Variants in MDGA2 observed in about 807,000 individuals in gnomAD.
The protein encoded by MDGA2 is MAM domain-containing glycosylphosphatidylinositol anchor protein 2.
A neutral mutation model predicts 117.8 loss-of-function variants in MDGA2; 40 were observed. The observed-to-expected ratio is 0.34, with a 90% CI of 0.26 to 0.44. The LOEUF (loss-of-function observed/expected upper bound fraction) is 0.44. Ranked by LOEUF, MDGA2 falls within the 20% of genes least tolerant of loss-of-function variation. MDGA2 has a pLI of 1.00. For missense variants in MDGA2, 1,123 were observed against 1,250.6 expected, an observed-to-expected ratio of 0.90 and a Z score of 1.54; for synonymous variants, 452 against 439.0, an observed-to-expected ratio of 1.03 and a Z score of -0.37.
Position 47,512,491 on chromosome 14 carries a change from A to G in MDGA2, c.280+162026T>C, listed in dbSNP as rs574967482. Among the ~76,000 whole-genome samples, 5 of 152,222 alleles carry G rather than the reference A, an allele frequency of 3.3e-5. No homozygotes were observed. In the South Asian group the frequency reaches 1.0e-3, roughly 32 times the overall value. The stretch of plus-strand genomic sequence containing the variant: ...TATAAAATCAGAAATCAAATTCTCC[A>G]TTTTACTTACTGAAATGGTATCACC... On this transcript the variant is annotated intron_variant, in intron 1 of 16. Transcript: ENST00000399232.
At chr14:47,432,366 T>C (rs1385143560) in intron 1 of MDGA2, among the ~76,000 whole-genome samples, 2 of 152,100 alleles carry the variant, frequency 1.3e-5, no homozygotes, top group African/African-American at 4.8e-5. Context: ...TCATATTGTG[T>C]TATCTCATAT....
At chr14:47,426,975 A>G (rs1055805020) in intron 1 of MDGA2, among the ~76,000 whole-genome samples, 1 of 152,038 alleles carries the variant, frequency 6.6e-6, no homozygotes, top group South Asian at 2.1e-4. Flanking sequence ...TAACACATCA[A>G]AGTAATAATA....
intron 1 of MDGA2, among the ~76,000 whole-genome samples, chr14:47,447,148 A>C (rs1326916781): frequency 6.6e-6 from 1 of 152,194 alleles, no homozygotes; most frequent in East Asian, 1.9e-4. Flanking sequence ...GCTAAATATC[A>C]CCATTTTAGC....
chr14:47,286,850 T>C (rs1029471011), intron 2 of MDGA2, among the ~76,000 whole-genome samples: 1 of 147,834 alleles, frequency 6.8e-6, no homozygotes, highest in African/African-American at 2.5e-5. Flanking sequence ...TATATATATA[T>C]ACTTTACTAT....
intron 1 of MDGA2, among the ~76,000 whole-genome samples, chr14:47,382,353 T>G (rs35497858): frequency 6.6e-6 from 1 of 151,860 alleles, no homozygotes; most frequent in Non-Finnish European, 1.5e-5. Flanking sequence ...AATTGACAAA[T>G]GGGATCTAAT....
chr14:47,370,049 A>G (rs2138388959), intron 1 of MDGA2, among the ~76,000 whole-genome samples: 1 of 152,136 alleles, frequency 6.6e-6, no homozygotes, highest in Admixed American at 6.5e-5. Flanking sequence ...TGAAATATGA[A>G]GGCAAAAGAC....
chr14:47,267,091 G>A (rs2148509), intron 2 of MDGA2, among the ~76,000 whole-genome samples: 128,531 of 152,130 alleles, frequency 0.84, 54,433 homozygotes, highest in East Asian at 0.93. Flanking sequence ...AGGGATGATT[G>A]CATGAAGTAC....
intron 7 of MDGA2, among the ~76,000 whole-genome samples, chr14:47,043,114 T>C (rs2138686420): frequency 6.6e-6 from 1 of 152,184 alleles, no homozygotes; most frequent in East Asian, 1.9e-4. Context: ...AGTATGATTA[T>C]AACCGCGTGT....
intron 1 of MDGA2, among the ~76,000 whole-genome samples, chr14:47,624,125 C>T (rs940507679): frequency 7.2e-5 from 11 of 152,164 alleles, no homozygotes; most frequent in African/African-American, 1.9e-4. Context: ...GTGCTCACAA[C>T]GTAGTAAGGT....
At chr14:47,661,192 A>G (rs1189594166) in intron 1 of MDGA2, among the ~76,000 whole-genome samples, 1 of 152,100 alleles carries the variant, frequency 6.6e-6, no homozygotes, top group African/African-American at 2.4e-5. Flanking sequence ...AATATAAATA[A>G]GTATAAATAC....
At chr14:47,170,441 A>T (rs1271902785) in intron 3 of MDGA2, among the ~76,000 whole-genome samples, 1 of 152,146 alleles carries the variant, frequency 6.6e-6, no homozygotes, top group Non-Finnish European at 1.5e-5. Context: ...AACTTTTACA[A>T]GAATGCTTTG....
At chr14:47,032,690 A>C (rs1888705156) in intron 8 of MDGA2, among the ~76,000 whole-genome samples, 1 of 152,238 alleles carries the variant, frequency 6.6e-6, no homozygotes, top group South Asian at 2.1e-4. Context: ...TTAGATAGGC[A>C]TGTAGGCAAG....
rs547188978 is a variant in MDGA2, at chr14:47,167,667, C to G, written c.596-23393G>C. Among the ~76,000 whole-genome samples the G allele has an allele frequency of 2.4e-4, 36 of 152,184 alleles. No homozygotes were observed. In the South Asian group the frequency reaches 3.5e-3, roughly 15 times the overall value. ...TAGATTACAAGAGTTAAAGCACATT[C>G]CAGCTACACATGGAAAACATCTCAG... On this transcript the variant is annotated intron_variant, in intron 3 of 16. Transcript: ENST00000399232.
chr14:47,006,852 G>C (rs914853327), intron 8 of MDGA2, among the ~76,000 whole-genome samples: 16 of 151,616 alleles, frequency 1.1e-4, no homozygotes, highest in African/African-American at 3.6e-4. Context: ...ATTTTAGCTA[G>C]GTAGATGTAA....
chr14:46,881,062 C>T (rs972657956), intron 11 of MDGA2, among the ~76,000 whole-genome samples: 1 of 140,950 alleles, frequency 7.1e-6, no homozygotes, highest in African/African-American at 2.5e-5. Flanking sequence ...CATTTTTTAA[C>T]ATTAGCAATA....
At chr14:47,324,034 A>C (rs905686392) in intron 1 of MDGA2, among the ~76,000 whole-genome samples, 6 of 151,984 alleles carry the variant, frequency 3.9e-5, no homozygotes, top group South Asian at 2.1e-4. Flanking sequence ...TCATGAGGTC[A>C]GGAGACTGAG....
intron 1 of MDGA2, among the ~76,000 whole-genome samples, chr14:47,651,728 G>C (rs59828935): frequency 6.6e-6 from 1 of 152,226 alleles, no homozygotes; most frequent in South Asian, 2.1e-4. Flanking sequence ...AAGGGATAAC[G>C]GTGGTGGCAG....
rs116884913 is a variant in MDGA2 at position 46,878,448 on chromosome 14, G to C, written c.2417-939C>G. Among the ~76,000 whole-genome samples, 1,222 of 152,058 alleles carry C rather than the reference G, an allele frequency of 8.0e-3. 10 individuals carry two copies. The highest frequency in any genetic ancestry group is 0.015 in the South Asian group (72 of 4,824). On this transcript the variant is annotated intron_variant, in intron 11 of 16. Transcript: ENST00000399232. ...ACTTATCTGATTTGTCATTTTCTTAGTGGTTGTCATTAACCACTTTTGTTA... is the reference window on the plus strand; with the variant it reads ...ACTTATCTGATTTGTCATTTTCTTACTGGTTGTCATTAACCACTTTTGTTA...
chr14:46,930,117 A>G (rs916902311), intron 9 of MDGA2, among the ~76,000 whole-genome samples: 1 of 151,864 alleles, frequency 6.6e-6, no homozygotes, highest in African/African-American at 2.4e-5. Context: ...CAAAGAAGAA[A>G]AAAAAACTGA....
Sources: allele counts gnomAD v4.1 joint callset (sites outside exome capture counted in the v4.1 genomes callset), GRCh38; gene constraint gnomAD v4.1.1; transcripts MANE v1.5; gene names NCBI Gene and HGNC (gene_info 2026-07-23, HGNC 2026-07-21).